PDZD2: variants seen among roughly 807,000 people sequenced by gnomAD.
PDZD2 encodes the protein PDZ domain containing 2.
In PDZD2, 90 loss-of-function variants were observed where a neutral mutation model predicts 220.7. The ratio of observed to expected loss-of-function variants is 0.41; its 90% confidence interval spans 0.34 to 0.49. PDZD2 has a LOEUF of 0.49. Among genes scored for constraint, PDZD2 ranks in the 20% least tolerant of loss-of-function variants. The pLI is 0.28. For missense variants in PDZD2, 3,174 were observed against 3,608.5 expected, an observed-to-expected ratio of 0.88 and a Z score of 3.08; for synonymous variants, 1,375 against 1,450.5, an observed-to-expected ratio of 0.95 and a Z score of 1.18.
At chr5:31,956,886 T>C (rs1316789392) in intron 2 of PDZD2, among the ~76,000 whole-genome samples, 1 of 152,016 alleles carries the variant, frequency 6.6e-6, no homozygotes, top group African/African-American at 2.4e-5. Flanking sequence ...TAGGTTTGCC[T>C]TTTATTTTTA....
chr5:31,758,258 C>A lies in PDZD2; in HGVS notation c.-360-40631C>A, dbSNP rs1000260850. 2.6e-5 allele frequency among the ~76,000 whole-genome samples: 4 copies of A among 152,358 alleles called. 1 individual carries two copies. In the South Asian group the frequency reaches 8.3e-4, roughly 32 times the overall value. ...GATACTTAGCAGGGGCTCAACAAAT[C>A]TTGTTCAGTCCATGAATGCTTCAAA... On this transcript the variant is annotated intron_variant, in intron 1 of 24. Coordinates refer to ENST00000438447, the MANE Select transcript of PDZD2 (RefSeq NM_178140.4).
At chr5:31,649,287 A>G (rs760262004) in intron 1 of PDZD2, among the ~76,000 whole-genome samples, 2 of 151,824 alleles carry the variant, frequency 1.3e-5, no homozygotes, top group Admixed American at 6.6e-5. Flanking sequence ...CACCTCTCCT[A>G]TGACTCCTTC....
chr5:31,800,410 G>T (rs1191212300), intron 2 of PDZD2, among the ~76,000 whole-genome samples: 2 of 152,164 alleles, frequency 1.3e-5, no homozygotes, highest in Non-Finnish European at 2.9e-5. Context: ...GGTGTCCAAG[G>T]TTTTTTCTTG....
intron 2 of PDZD2, among the ~76,000 whole-genome samples, chr5:31,881,320 A>T (rs1374088786): frequency 8.5e-6 from 1 of 117,498 alleles, no homozygotes; most frequent in Non-Finnish European, 1.7e-5. Context: ...TCCCATTTCC[A>T]TATATATGTG....
intron 23 of PDZD2, chr5:32,099,438 T>C (rs549948135): frequency 6.6e-6 from 1 of 152,402 alleles, no homozygotes; most frequent in South Asian, 2.1e-4. Flanking sequence ...CTGAGCTGTT[T>C]GTAGTCCTTG....
intron 1 of PDZD2, among the ~76,000 whole-genome samples, chr5:31,675,508 G>A (rs1171239195): frequency 6.6e-6 from 1 of 152,150 alleles, no homozygotes; most frequent in African/African-American, 2.4e-5. Context: ...CAATGATTTT[G>A]ATCTAGGCAT....
chr5:31,834,023 C>T (rs1181915323), intron 2 of PDZD2, among the ~76,000 whole-genome samples: 1 of 152,222 alleles, frequency 6.6e-6, no homozygotes, highest in African/African-American at 2.4e-5. Flanking sequence ...CACTCTTCCT[C>T]CTCTGATGCA....
chr5:31,852,522 G>A (rs6884178), intron 2 of PDZD2, among the ~76,000 whole-genome samples: 34,059 of 151,992 alleles, frequency 0.22, 4,016 homozygotes, highest in Middle Eastern at 0.27. Context: ...CTGACCTCAA[G>A]TGATCCAACT....
chr5:31,730,592 G>GGT (rs55673526), intron 1 of PDZD2, among the ~76,000 whole-genome samples: 7,789 of 121,046 alleles, frequency 0.064, 283 homozygotes, highest in Middle Eastern at 0.1. Flanking sequence ...GTGTGTGTGT[G>GGT]GTGTGTGTGT....
At chr5:31,889,112 T>G (rs534528385) in intron 2 of PDZD2, among the ~76,000 whole-genome samples, 149 of 152,330 alleles carry the variant, frequency 9.8e-4, no homozygotes, top group African/African-American at 3.5e-3. Context: ...CAGAGCCTTT[T>G]CCTCTTAATG....
At chr5:31,737,452 G>T (rs575349284) in intron 1 of PDZD2, among the ~76,000 whole-genome samples, 14 of 152,060 alleles carry the variant, frequency 9.2e-5, no homozygotes, top group Non-Finnish European at 1.5e-4. Flanking sequence ...GATTACAGGC[G>T]TGAGCTACCG....
At position 32,089,035 on chromosome 5, in the gene PDZD2, C is replaced by G. The variant is rs1742805968; in HGVS notation, c.5587C>G (p.Leu1863Val). ...GAAAACAAACCTGGAAAATAAGGAC[C>G]TGTCTAAGAAGAGTCCGGCAGAAAT... ...QPKTNLENKD[L>V]SKKSPAEMLL... The change falls in exon 20 of 25, where the codon CTG becomes GTG. Residue 1863 changes from leucine to valine, a missense_variant. This residue lies in a region of PDZD2 where 1,861 missense variants were observed against 2,001.0 expected (regional missense o/e 0.93). Transcript: ENST00000438447. 1 of 1,613,774 alleles carries G rather than the reference C, an allele frequency of 6.2e-7. No individual in the cohort carries two copies.
chr5:31,843,366 A>C (rs1757426374), intron 2 of PDZD2: 1 of 151,810 alleles, frequency 6.6e-6, no homozygotes, highest in African/African-American at 2.4e-5. Flanking sequence ...TCCTGAGTTC[A>C]AGCAGCTCTC....
At chr5:31,737,285 G>A (rs894473191) in intron 1 of PDZD2, among the ~76,000 whole-genome samples, 2 of 145,038 alleles carry the variant, frequency 1.4e-5, no homozygotes, top group Non-Finnish European at 3.0e-5. Context: ...CCATTCTCCT[G>A]CCTCAGCCTC....
intron 14 of PDZD2, 42 bp from the exon 15 acceptor site, chr5:32,069,527 A>G (rs1740552395): frequency 8.8e-7 from 1 of 1,140,750 alleles, no homozygotes; most frequent in African/African-American, 1.5e-5. Flanking sequence ...GGAGAAATAA[A>G]TAAATAAAAC....
chr5:31,997,104 T>A (rs182133306), intron 4 of PDZD2, among the ~76,000 whole-genome samples: 1 of 152,294 alleles, frequency 6.6e-6, no homozygotes, highest in East Asian at 1.9e-4. Flanking sequence ...ACGTATGTTG[T>A]ATGCCCACAC....
intron 1 of PDZD2, among the ~76,000 whole-genome samples, chr5:31,791,684 C>T (rs1263250030): frequency 6.6e-6 from 1 of 151,608 alleles, no homozygotes; most frequent in African/African-American, 2.4e-5. Flanking sequence ...TCCACAACCT[C>T]AGTCAACATG....
chr5:31,895,882 G>A (rs537889368), intron 2 of PDZD2, among the ~76,000 whole-genome samples: 299 of 152,194 alleles, frequency 2.0e-3, no homozygotes, highest in Non-Finnish European at 3.5e-3. Context: ...GATAATAGGT[G>A]CCATGTTTCA....
intron 1 of PDZD2, among the ~76,000 whole-genome samples, chr5:31,684,929 A>G (rs140754200): frequency 2.5e-4 from 38 of 152,244 alleles, no homozygotes; most frequent in African/African-American, 7.9e-4. Flanking sequence ...GGCACTATGT[A>G]GATGTTCTTA....
Sources: gnomAD v4.1 joint callset for allele counts (sites outside exome capture counted in the v4.1 genomes callset) on GRCh38, gnomAD v4.1.1 for gene constraint, gnomAD v4.1.1 regional missense constraint, MANE v1.5 for transcripts, NCBI Gene and HGNC (gene_info 2026-07-23, HGNC 2026-07-21) for gene names.